The following DDX17 variants were observed in gnomAD, a reference collection of about 807,000 sequenced individuals.
The protein encoded by DDX17 is probable ATP-dependent RNA helicase DDX17.
A neutral mutation model predicts 80.8 loss-of-function variants in DDX17; 10 were observed. That is an observed-to-expected ratio of 0.12 (90% CI 0.08 to 0.21). DDX17 has a LOEUF of 0.21. Ranked by LOEUF, DDX17 falls within the 10% of genes least tolerant of loss-of-function variation. The pLI is 1.00. For synonymous variants in DDX17, 339 were observed against 336.2 expected, an observed-to-expected ratio of 1.01 and a Z score of -0.09; for missense variants, 586 against 957.4, an observed-to-expected ratio of 0.61 and a Z score of 5.12.
intron 12 of DDX17, among the ~76,000 whole-genome samples, chr22:38,487,135 T>G (rs988327615): frequency 6.6e-6 from 1 of 152,046 alleles, no homozygotes; most frequent in African/African-American, 2.4e-5. Flanking sequence ...GCCACTGCAC[T>G]CCAGTCTGGG....
In DDX17 at chr22:38,505,827, G is replaced by C. The variant is rs994212467; in HGVS notation, c.287+124C>G. On this transcript the variant is annotated intron_variant, in intron 1 of 12. Coordinates refer to ENST00000403230, the MANE Select transcript of DDX17 (RefSeq NM_006386.5). ...GCGCACGAAACCGCTGTCTCGCCTC[G>C]AGTCGCCTCCCCTCGCCTCCCGGGT... 4.8e-6 allele frequency: 6 copies of C among 1,253,210 alleles called. No individual in the cohort carries two copies. In the African/African-American group the frequency reaches 7.8e-5, roughly 16 times the overall value. 77.6% of individuals were successfully genotyped at this position (1,253,210 alleles called of 1,614,324 possible). A position where few individuals can be genotyped will look rare whatever the true frequency, so the allele number is the denominator to read the frequency against.
At chr22:38,499,196 C>T (rs559563416) in intron 3 of DDX17, among the ~76,000 whole-genome samples, 2 of 152,026 alleles carry the variant, frequency 1.3e-5, no homozygotes, top group African/African-American at 4.8e-5. Flanking sequence ...GAGGGCAAAA[C>T]CCTAGAAAAA....
At chr22:38,490,829 G>GTACCT (rs1359326643) in intron 11 of DDX17, 1 of 181,420 alleles carries the variant, frequency 5.5e-6, no homozygotes, top group African/African-American at 2.4e-5. Flanking sequence ...ACAGACTCGG[G>GTACCT]TACCTTCCCT....
At chr22:38,501,776 TAGTTATTAGGTACCA>T (rs1394084151) in intron 1 of DDX17, among the ~76,000 whole-genome samples, 1 of 152,214 alleles carries the variant, frequency 6.6e-6, no homozygotes, top group Non-Finnish European at 1.5e-5. Flanking sequence ...ATTCAACAAA[TAGTTATTAGGTACCA>T]AGTTACTAGG....
chr22:38,504,180 TATC>T (rs1036926028), intron 1 of DDX17, among the ~76,000 whole-genome samples: 7 of 152,308 alleles, frequency 4.6e-5, no homozygotes, highest in African/African-American at 1.2e-4. Context: ...CTCCCTTTCC[TATC>T]ATATTTGCAC....
chr22:38,491,902 A>ATGGGGAGAATCACGTCCC, intron 11 of DDX17, 154 bp downstream of exon 11: 1 of 494,010 alleles, frequency 2.0e-6, no homozygotes, highest in Non-Finnish European at 3.5e-6. Context: ...GGGGCAGGGA[A>ATGGGGAGAATCACGTCCC]TGGGGAGAAT....
Position 38,493,707 on chromosome 22 carries a change from T to C in DDX17, c.1387+3A>G, listed in dbSNP as rs1335391084. Reference sequence around the variant, plus strand: ...AACAGAAAATGCTTAGTTTTAAACTTACCATTAAGTACCCAATCTCTTTCT... The same window carrying C: ...AACAGAAAATGCTTAGTTTTAAACTCACCATTAAGTACCCAATCTCTTTCT... On this transcript the variant is annotated splice_donor_region_variant and intron_variant, in intron 10 of 12. Transcript: ENST00000403230. 1 of 1,607,430 alleles carries C rather than the reference T, an allele frequency of 6.2e-7. No individual in the cohort carries two copies. The highest frequency in any genetic ancestry group is 1.1e-5 in the South Asian group (1 of 90,942).
chr22:38,498,720 C>A, intron 3 of DDX17, 147 bp from the exon 4 acceptor site: 1 of 829,086 alleles, frequency 1.2e-6, no homozygotes, highest in Admixed American at 2.6e-5. Context: ...AGATCTCCGA[C>A]CAACTCACTG....
Position 38,494,901 on chromosome 22 carries a change from A to G in DDX17, c.1026T>C (p.Ile342=), listed in dbSNP as rs369245446. The G allele has an allele frequency of 2.6e-4, 422 of 1,614,062 alleles. No individual in the cohort carries two copies. The highest frequency in any genetic ancestry group is 3.4e-4 in the Non-Finnish European group (401 of 1,180,034). Residue 342 remains isoleucine (I), a synonymous_variant, in exon 7 of 13, where the codon ATT becomes ATC. Transcript: ENST00000403230. ...CTTTACACACCCTGATTTGGTCAAC[A>G]ATTTTACGGATCTGGGGTTCAAACC...
intron 1 of DDX17, among the ~76,000 whole-genome samples, chr22:38,502,924 T>C (rs1188643931): frequency 6.6e-6 from 1 of 152,222 alleles, no homozygotes; most frequent in Non-Finnish European, 1.5e-5. Context: ...AGGGCCTCAA[T>C]TTCCTGCAAT....
At chr22:38,501,814 A>G (rs2089833744) in intron 1 of DDX17, among the ~76,000 whole-genome samples, 2 of 152,264 alleles carry the variant, frequency 1.3e-5, no homozygotes, top group Admixed American at 1.3e-4. Flanking sequence ...CCAAGTATGT[A>G]TCGGCTACTG....
intron 5 of DDX17, among the ~76,000 whole-genome samples, chr22:38,496,428 A>G (rs754401241): frequency 6.6e-6 from 1 of 151,948 alleles, no homozygotes; most frequent in Non-Finnish European, 1.5e-5. Context: ...GCTCACTGTA[A>G]CCTCTGCTTC....
intron 5 of DDX17, among the ~76,000 whole-genome samples, 174 bp downstream of exon 5, chr22:38,497,911 A>T (rs913829893): frequency 6.6e-6 from 1 of 152,214 alleles, no homozygotes; most frequent in Non-Finnish European, 1.5e-5. Context: ...CAGCTATTCA[A>T]TTGCTGAGTG....
chr22:38,493,819 G>C, intron 9 of DDX17, 48 bp from the exon 10 acceptor site: 1 of 1,579,256 alleles, frequency 6.3e-7, no homozygotes, highest in Non-Finnish European at 8.7e-7. Context: ...TTAAAGTGGA[G>C]AAAATCGAAC....
Position 38,486,458 on chromosome 22 carries a change from G to C in DDX17, c.1685-18C>G. On this transcript the variant is annotated intron_variant, in intron 12 of 12. Coordinates refer to ENST00000403230, the MANE Select transcript of DDX17 (RefSeq NM_006386.5). ...ACGACCACCTAATGGGAAGATACAAGAAGATTTTTAATGGCAGATATAGGA... is the reference window on the plus strand; with the variant it reads ...ACGACCACCTAATGGGAAGATACAACAAGATTTTTAATGGCAGATATAGGA... The C allele has an allele frequency of 6.4e-7, 1 of 1,574,106 alleles. No homozygotes were observed.
chr22:38,487,978 G>C lies in DDX17; in HGVS notation c.1585C>G (p.Gln529Glu). Residue 529 changes from glutamine (Q) to glutamate (E), a missense_variant, in exon 12 of 13, where the codon CAG (glutamine) becomes GAG (glutamate). Transcript: ENST00000403230. ...AGCACTTTGATAAGCTCTCTGGCCT[G>C]TTTTAGGTTCCCTGGGGTGAAGAAG... is the stretch of plus-strand genomic sequence containing the variant. 6.2e-7 allele frequency: 1 copy of C among 1,614,236 alleles called. No individual in the cohort carries two copies. Among genetic ancestry groups the C allele is most frequent in the Non-Finnish European group, 8.5e-7 (1 of 1,180,046 alleles).
chr22:38,489,664 G>T lies in DDX17; in HGVS notation c.1448-1549C>A, dbSNP rs1395179701. On this transcript the variant is annotated intron_variant, in intron 11 of 12. Coordinates refer to ENST00000403230, the MANE Select transcript of DDX17 (RefSeq NM_006386.5). This position sits in a 1 kb window ranked among gnomAD's most constrained non-coding sequence, Gnocchi z 4.6. ...CTGTTGTTACAGGGCTTGTGAAGAA[G>T]GGGCATTATGTCTGTTTCTTATTAC... The T allele has an allele frequency of 2.0e-6, 2 of 985,168 alleles. No homozygotes were observed. Among genetic ancestry groups the T allele is most frequent in the Admixed American group, 6.2e-5 (1 of 16,250 alleles). 61.0% of individuals were successfully genotyped at this position (985,168 alleles called of 1,614,324 possible). A position where few individuals can be genotyped will look rare whatever the true frequency, so the allele number is the denominator to read the frequency against.
intron 2 of DDX17, among the ~76,000 whole-genome samples, chr22:38,500,369 ATGGTGG>A (rs2089815325): frequency 6.6e-6 from 1 of 151,936 alleles, no homozygotes; most frequent in Non-Finnish European, 1.5e-5. Flanking sequence ...AAGGCTGGGC[ATGGTGG>A]CTCACACCCA....
chr22:38,491,366 A>C (rs974570995), intron 11 of DDX17: 5 of 152,136 alleles, frequency 3.3e-5, no homozygotes, highest in Admixed American at 3.3e-4. Flanking sequence ...TCTGAGTTAG[A>C]CCTGTTTAGC....
Sources: allele counts gnomAD v4.1 joint callset (sites outside exome capture counted in the v4.1 genomes callset), GRCh38; gene constraint gnomAD v4.1.1; non-coding constraint Gnocchi (gnomAD v3.1); transcripts MANE v1.5; gene names NCBI Gene and HGNC (gene_info 2026-07-23, HGNC 2026-07-21).